NECAB1: variants seen among roughly 807,000 people sequenced by gnomAD.
NECAB1 encodes N-terminal EF-hand calcium-binding protein 1.
A neutral mutation model predicts 57.5 loss-of-function variants in NECAB1; 29 were observed. The ratio of observed to expected loss-of-function variants is 0.50; its 90% CI spans 0.38 to 0.69. The LOEUF is 0.69. Ranked by LOEUF, NECAB1 falls within the 30% of genes least tolerant of loss-of-function variation. The pLI, the probability that NECAB1 is intolerant of heterozygous loss-of-function variation, is 0.00. For synonymous variants in NECAB1, 142 were observed against 147.7 expected, an observed-to-expected ratio of 0.96 and a Z score of 0.28; for missense variants, 372 against 413.8, an observed-to-expected ratio of 0.90 and a Z score of 0.88.
At chr8:90,842,596 A>G (rs752216921) in intron 3 of NECAB1, among the ~76,000 whole-genome samples, 1 of 152,216 alleles carries the variant, frequency 6.6e-6, no homozygotes, top group Non-Finnish European at 1.5e-5. Context: ...TTGCTCTTCA[A>G]ATGAATGCTG....
chr8:90,942,796 C>T (rs1004345691), intron 10 of NECAB1, among the ~76,000 whole-genome samples: 2 of 152,110 alleles, frequency 1.3e-5, no homozygotes, highest in South Asian at 2.1e-4. Flanking sequence ...GCAGGAGAAT[C>T]GCTTGAACCC....
At chr8:90,952,472 G>A (rs1322217162) in intron 12 of NECAB1, among the ~76,000 whole-genome samples, 1 of 151,956 alleles carries the variant, frequency 6.6e-6, no homozygotes, top group African/African-American at 2.4e-5. Context: ...GATGTATAGT[G>A]TTATGATGTT....
At chr8:90,931,311 G>A (rs910785836) in intron 8 of NECAB1, among the ~76,000 whole-genome samples, 2 of 152,140 alleles carry the variant, frequency 1.3e-5, no homozygotes, top group African/African-American at 2.4e-5. Context: ...GGCTGAGTAC[G>A]TCATTTCACT....
intron 5 of NECAB1, among the ~76,000 whole-genome samples, chr8:90,890,329 C>A (rs1019304305): frequency 2.0e-5 from 3 of 152,174 alleles, no homozygotes; most frequent in Non-Finnish European, 2.9e-5. Flanking sequence ...TCCATCCTGC[C>A]ACCCTGTGAA....
intron 8 of NECAB1, among the ~76,000 whole-genome samples, chr8:90,931,950 A>T (rs58209874): frequency 1.3e-5 from 2 of 151,974 alleles, no homozygotes; most frequent in African/African-American, 4.8e-5. Context: ...AAACAAAAAA[A>T]AACCCCACCT....
chr8:90,906,876 C>CGT (rs1809667102), intron 5 of NECAB1, among the ~76,000 whole-genome samples: 1 of 121,764 alleles, frequency 8.2e-6, no homozygotes, highest in East Asian at 2.1e-4. Context: ...ATGATATACA[C>CGT]ATATATATAT....
intron 3 of NECAB1, among the ~76,000 whole-genome samples, chr8:90,854,790 A>G (rs1275934750): frequency 6.6e-6 from 1 of 152,212 alleles, no homozygotes; most frequent in East Asian, 1.9e-4. Context: ...TTCTAAGTAC[A>G]TGTTAATGAG....
intron 9 of NECAB1, 29 bp from the exon 10 acceptor site, chr8:90,940,757 C>G: frequency 6.6e-7 from 1 of 1,523,266 alleles, no homozygotes. Flanking sequence ...TGACAGCCAA[C>G]GCAGTGACCC....
chr8:90,827,735 T>C (rs1043178656), intron 3 of NECAB1, among the ~76,000 whole-genome samples: 18 of 151,980 alleles, frequency 1.2e-4, no homozygotes, highest in Non-Finnish European at 2.5e-4. Flanking sequence ...AATATTATGC[T>C]TGATTATGAA....
intron 7 of NECAB1, among the ~76,000 whole-genome samples, chr8:90,927,735 TTA>T (rs1810309110): frequency 6.6e-6 from 1 of 151,098 alleles, no homozygotes; most frequent in African/African-American, 2.4e-5. Flanking sequence ...TATGCCATGA[TTA>T]TAGAGTCCAT....
At position 90,917,562 on chromosome 8, in the gene NECAB1, T is replaced by G; in HGVS notation, c.428T>G (p.Leu143Arg). Residue 143 changes from leucine to arginine, a missense_variant, in exon 6 of 13, where the codon CTG becomes CGG. Physicochemically the swap from Leu to Arg is moderately radical, Grantham distance 102. Coordinates refer to ENST00000417640, the MANE Select transcript of NECAB1 (RefSeq NM_022351.5). The stretch of plus-strand genomic sequence containing the variant: ...TTATTGAAGGAAACCCTGAATCAGC[T>G]GCAGTCTCTCCAGAATTCCCTGGAA... ...RFLLKETLNQ[L>R]QSLQNSLECA... The G allele has an allele frequency of 6.2e-7, 1 of 1,612,358 alleles. No homozygotes were observed. The highest frequency in any genetic ancestry group is 8.5e-7 in the Non-Finnish European group (1 of 1,178,970).
intron 10 of NECAB1, 134 bp from the exon 11 acceptor site, chr8:90,949,673 T>C: frequency 2.1e-6 from 1 of 471,886 alleles, no homozygotes; most frequent in Non-Finnish European, 3.8e-6. Context: ...ATCTGTTTGA[T>C]TTTCATGCAG....
rs1468267897 is a variant in NECAB1, at chr8:90,951,119, T to C, written c.945T>C (p.Leu315=). Residue 315 remains leucine (L), a synonymous_variant, in exon 12 of 13, where the codon CTT becomes CTC. Coordinates refer to ENST00000417640, the MANE Select transcript of NECAB1 (RefSeq NM_022351.5). ...CCTATAATTATTTATACAGCCACCT[T>C]CAGACAAATTATAGCAAGACATTCC... ...WENSSVWNSH[L]QTNYSKTFQR... The C allele has an allele frequency of 4.4e-6, 7 of 1,590,546 alleles. No homozygotes were observed. Among genetic ancestry groups the C allele is most frequent in the Non-Finnish European group, 6.0e-6 (7 of 1,166,232 alleles).
chr8:90,864,559 C>A (rs941583377), intron 3 of NECAB1, among the ~76,000 whole-genome samples: 3 of 152,004 alleles, frequency 2.0e-5, no homozygotes, highest in African/African-American at 7.2e-5. Flanking sequence ...CTCAACACAG[C>A]GTAAACAGAA....
chr8:90,827,428 G>A lies in NECAB1; in HGVS notation c.233+2603G>A, dbSNP rs564973511. Among the ~76,000 whole-genome samples, 13 of 152,054 alleles carry A rather than the reference G, an allele frequency of 8.5e-5. No homozygotes were observed. The South Asian group carries it at 1.9e-3, about 22-fold the overall frequency. Reference sequence around the variant, plus strand: ...CTACCCAGCTCCTGCCTTTCCTTATGTCTGGAGTTGTGACTTCACTTTGGA... The same window carrying A: ...CTACCCAGCTCCTGCCTTTCCTTATATCTGGAGTTGTGACTTCACTTTGGA... On this transcript the variant is annotated intron_variant, in intron 3 of 12. Transcript: ENST00000417640.
At chr8:90,807,960 A>C (rs11994970) in intron 2 of NECAB1, among the ~76,000 whole-genome samples, 81,163 of 152,078 alleles carry the variant, frequency 0.53, 25,458 homozygotes, top group East Asian at 0.85. Context: ...CAAGTTCTGA[A>C]TGTAATGATT....
intron 3 of NECAB1, among the ~76,000 whole-genome samples, chr8:90,839,150 A>G (rs1262366005): frequency 6.6e-6 from 1 of 152,228 alleles, no homozygotes; most frequent in Admixed American, 6.5e-5. Context: ...TCAACTTTTA[A>G]TAAATCATTT....
At chr8:90,867,557 A>G (rs886561729) in intron 3 of NECAB1, among the ~76,000 whole-genome samples, 3 of 150,966 alleles carry the variant, frequency 2.0e-5, no homozygotes, top group African/African-American at 7.5e-5. Flanking sequence ...ATTTCTATCT[A>G]TCATTCCGAG....
chr8:90,821,006 T>C (rs1586040614), intron 2 of NECAB1, among the ~76,000 whole-genome samples: 1 of 151,888 alleles, frequency 6.6e-6, no homozygotes, highest in South Asian at 2.1e-4. Context: ...AGTTGGTACT[T>C]CCAACATTCT....
Sources: gnomAD v4.1 joint callset for allele counts (sites outside exome capture counted in the v4.1 genomes callset) on GRCh38, gnomAD v4.1.1 for gene constraint, MANE v1.5 for transcripts, NCBI Gene and HGNC (gene_info 2026-07-23, HGNC 2026-07-21) for gene names.